The following TAF5 variants were observed in gnomAD, a reference collection of about 807,000 sequenced individuals.
TAF5 encodes TATA-box binding protein associated factor 5.
A neutral mutation model predicts 80.9 loss-of-function variants in TAF5; 20 were observed. The observed-to-expected ratio is 0.25, with a 90% CI of 0.17 to 0.36. The LOEUF (loss-of-function observed/expected upper bound fraction) is 0.36. Among genes scored for constraint, TAF5 ranks in the 10% least tolerant of loss-of-function variants. The probability of loss-of-function intolerance (pLI) is 1.00; values close to 1 mark genes in which losing one functional copy is unlikely to be tolerated. For synonymous variants in TAF5, 388 were observed against 406.4 expected (o/e 0.95, Z 0.55); for missense variants, 863 against 1,029.4 (o/e 0.84, Z 2.21).
Position 103,387,998 on chromosome 10 carries a change from C to A in TAF5, c.2186-8C>A. 3 of 1,609,710 alleles carry A rather than the reference C, an allele frequency of 1.9e-6. No individual in the cohort carries two copies. Among genetic ancestry groups the A allele is most frequent in the Non-Finnish European group, 2.5e-6 (3 of 1,176,556 alleles). ...TGCAACTAATGGTTTCCTTTGACTTCCCCTTAGGTTCAATGGATAATACAG... is the reference window on the plus strand; with the variant it reads ...TGCAACTAATGGTTTCCTTTGACTTACCCTTAGGTTCAATGGATAATACAG... On this transcript the variant is annotated splice_polypyrimidine_tract_variant and splice_region_variant and intron_variant, in intron 10 of 10. Transcript: ENST00000369839.
intron 5 of TAF5, among the ~76,000 whole-genome samples, chr10:103,381,229 A>G (rs1234029795): frequency 6.6e-6 from 1 of 151,824 alleles, no homozygotes; most frequent in Admixed American, 6.6e-5. Flanking sequence ...GATAACAGGC[A>G]TGAACCCCCG....
intron 5 of TAF5, among the ~76,000 whole-genome samples, chr10:103,381,376 C>G (rs2093382556): frequency 6.6e-6 from 1 of 152,082 alleles, no homozygotes; most frequent in Non-Finnish European, 1.5e-5. Flanking sequence ...AAGTGATTCT[C>G]TTGCGTCAGC....
In TAF5 at chr10:103,385,526, A is replaced by G. The variant is rs766730061; in HGVS notation, c.1829+36A>G. On this transcript the variant is annotated intron_variant, in intron 8 of 10. Transcript: ENST00000369839. The stretch of plus-strand genomic sequence containing the variant: ...TGTGATCTTATGACTGGGTCTATTC[A>G]ATGAACAGAATGGTTTCTTGTTGGG... 2.4e-5 allele frequency: 39 copies of G among 1,598,570 alleles called. No homozygotes were observed. The Middle Eastern group carries it at 6.7e-4, about 28-fold the overall frequency.
Position 103,378,598 on chromosome 10 carries a change from G to A in TAF5, c.1113+48G>A. 1 of 1,525,546 alleles carries A rather than the reference G, an allele frequency of 6.6e-7. No homozygotes were observed. Among genetic ancestry groups the A allele is most frequent in the African/African-American group, 1.4e-5 (1 of 72,522 alleles). The allele number at this position is 1,525,546 out of a possible 1,614,324, so 94.5% of individuals were successfully genotyped here. On this transcript the variant is annotated intron_variant, in intron 3 of 10. Coordinates refer to ENST00000369839, the MANE Select transcript of TAF5 (RefSeq NM_006951.5). The surrounding 1 kb of genome is among the most constrained non-coding windows in gnomAD (Gnocchi z 4.1). ...TCTATAATGCAGATTATGAAAAATTGTAGCATTTCCATCTACATAAGTTAC... is the reference window on the plus strand; with the variant it reads ...TCTATAATGCAGATTATGAAAAATTATAGCATTTCCATCTACATAAGTTAC...
intron 2 of TAF5, among the ~76,000 whole-genome samples, chr10:103,376,936 C>T (rs1231596688): frequency 6.6e-6 from 1 of 152,142 alleles, no homozygotes; most frequent in African/African-American, 2.4e-5. Context: ...CCCAGCTGCT[C>T]AGGAGGCTGA....
At chr10:103,373,000 C>T (rs1425783032) in intron 1 of TAF5, among the ~76,000 whole-genome samples, 1 of 151,548 alleles carries the variant, frequency 6.6e-6, no homozygotes, top group Non-Finnish European at 1.5e-5. Flanking sequence ...GTCAAGATAT[C>T]AAGACCATCC....
At position 103,378,603 on chromosome 10, in the gene TAF5, A is replaced by G. The variant is rs2133629757; in HGVS notation, c.1113+53A>G. 1 of 1,507,988 alleles carries G rather than the reference A, an allele frequency of 6.6e-7. No homozygotes were observed. Among genetic ancestry groups the G allele is most frequent in the East Asian group, 2.3e-5 (1 of 43,586 alleles). The allele number at this position is 1,507,988 out of a possible 1,614,324, so 93.4% of individuals were successfully genotyped here. On this transcript the variant is annotated intron_variant, in intron 3 of 10. Transcript: ENST00000369839. This position sits in a 1 kb window ranked among gnomAD's most constrained non-coding sequence, Gnocchi z 4.1. ...AATGCAGATTATGAAAAATTGTAGC[A>G]TTTCCATCTACATAAGTTACACATT...
rs536405548 is a variant in TAF5 at position 103,373,257 on chromosome 10, A to C, written c.560-101A>C. The C allele has an allele frequency of 1.8e-5, 16 of 882,554 alleles. No individual in the cohort carries two copies. The African/African-American group carries it at 2.5e-4, about 14-fold the overall frequency. 54.7% of individuals were successfully genotyped at this position (882,554 alleles called of 1,614,324 possible). On this transcript the variant is annotated intron_variant, in intron 1 of 10. Coordinates refer to ENST00000369839, the MANE Select transcript of TAF5 (RefSeq NM_006951.5). ...GAAGAGACAGTGGGAAGAAAGAGAC[A>C]ACAGTCTGAGAAACAACTCACCTGT... is the stretch of plus-strand genomic sequence containing the variant.
chr10:103,384,443 C>T (rs933555707), intron 7 of TAF5, among the ~76,000 whole-genome samples: 1 of 152,090 alleles, frequency 6.6e-6, no homozygotes, highest in East Asian at 1.9e-4. Flanking sequence ...CCAGCCTGGC[C>T]AACATGGGAA....
chr10:103,387,107 T>C, intron 8 of TAF5, 68 bp from the exon 9 acceptor site: 1 of 1,461,760 alleles, frequency 6.8e-7, no homozygotes, highest in Non-Finnish European at 9.3e-7. Flanking sequence ...ATTTATTTTG[T>C]ATAGATTTTT....
intron 5 of TAF5, among the ~76,000 whole-genome samples, 168 bp from the exon 6 acceptor site, chr10:103,381,553 C>T (rs1368758995): frequency 6.6e-6 from 1 of 152,184 alleles, no homozygotes; most frequent in Non-Finnish European, 1.5e-5. Context: ...AGGCATGAGC[C>T]AGTGCGCTTG....
rs936342502 is a variant in TAF5 at position 103,378,653 on chromosome 10, A to C, written c.1113+103A>C. 7.5e-7 allele frequency: 1 copy of C among 1,337,860 alleles called. No homozygotes were observed. Among genetic ancestry groups the C allele is most frequent in the Non-Finnish European group, 1.0e-6 (1 of 996,584 alleles). 82.9% of individuals were successfully genotyped at this position (1,337,860 alleles called of 1,614,324 possible). On this transcript the variant is annotated intron_variant, in intron 3 of 10. Coordinates refer to ENST00000369839, the MANE Select transcript of TAF5 (RefSeq NM_006951.5). The surrounding 1 kb of genome is among the most constrained non-coding windows in gnomAD (Gnocchi z 4.1). Reference sequence around the variant, plus strand: ...TTTTCTTATAGCTAGCTTGGAAACAATTTTTTTCGTTTGTTTGTTTTGAGA... The same window carrying C: ...TTTTCTTATAGCTAGCTTGGAAACACTTTTTTTCGTTTGTTTGTTTTGAGA...
chr10:103,379,207 T>C (rs925145447), intron 3 of TAF5, among the ~76,000 whole-genome samples: 1 of 152,218 alleles, frequency 6.6e-6, no homozygotes, highest in Non-Finnish European at 1.5e-5. Flanking sequence ...GGCTTTCCTC[T>C]TTGTGCTCAC....
At chr10:103,380,545 C>T (rs572488198) in intron 5 of TAF5, among the ~76,000 whole-genome samples, 26 of 152,096 alleles carry the variant, frequency 1.7e-4, no homozygotes, top group Non-Finnish European at 2.5e-4. Flanking sequence ...TTCTGCTAGC[C>T]TTTGAGGAGG....
At chr10:103,368,969 A>G (rs184133886) in intron 1 of TAF5, among the ~76,000 whole-genome samples, 4 of 147,436 alleles carry the variant, frequency 2.7e-5, no homozygotes, top group Non-Finnish European at 6.0e-5. Context: ...ATGTGTTGAT[A>G]AATACTTTAT....
Position 103,378,628 on chromosome 10 carries a change from T to A in TAF5, c.1113+78T>A. 1 of 1,443,244 alleles carries A rather than the reference T, an allele frequency of 6.9e-7. No individual in the cohort carries two copies. The highest frequency in any genetic ancestry group is 9.3e-7 in the Non-Finnish European group (1 of 1,080,094). The allele number at this position is 1,443,244 out of a possible 1,614,324, so 89.4% of individuals were successfully genotyped here. ...ATTTCCATCTACATAAGTTACACATTTTTCTTATAGCTAGCTTGGAAACAA... is the reference window on the plus strand; with the variant it reads ...ATTTCCATCTACATAAGTTACACATATTTCTTATAGCTAGCTTGGAAACAA... On this transcript the variant is annotated intron_variant, in intron 3 of 10. Coordinates refer to ENST00000369839, the MANE Select transcript of TAF5 (RefSeq NM_006951.5). The surrounding 1 kb of genome is among the most constrained non-coding windows in gnomAD (Gnocchi z 4.1).
At chr10:103,383,463 T>G (rs747516996) in intron 7 of TAF5, 96 bp downstream of exon 7, 94 of 1,252,916 alleles carry the variant, frequency 7.5e-5, no homozygotes, top group Non-Finnish European at 7.3e-5. Flanking sequence ...CTGGGAAAAT[T>G]CTGATAAAAA....
chr10:103,387,403 A>C (rs552746595), intron 9 of TAF5, 51 bp downstream of exon 9: 1 of 1,558,220 alleles, frequency 6.4e-7, no homozygotes, highest in Non-Finnish European at 8.7e-7. Flanking sequence ...TCAAAATAAA[A>C]ATATTTTTTA....
In TAF5 at chr10:103,368,377, T is replaced by C; in HGVS notation, c.388T>C (p.Ser130Pro). 1 of 1,499,664 alleles carries C rather than the reference T, an allele frequency of 6.7e-7. No homozygotes were observed. Among genetic ancestry groups the C allele is most frequent in the Non-Finnish European group, 8.9e-7 (1 of 1,124,508 alleles). 92.9% of individuals were successfully genotyped at this position (1,499,664 alleles called of 1,614,324 possible). A position where few individuals can be genotyped will look rare whatever the true frequency, so the allele number is the denominator to read the frequency against. The change falls in exon 1 of 11, where the codon TCC (serine) becomes CCC (proline). Residue 130 changes from serine to proline, a missense_variant. By Grantham distance (74) the Ser-to-Pro change is moderately conservative. Around this residue, in one of 3 missense-constraint regions of TAF5, gnomAD observed 367 missense variants for 335.5 expected, o/e 1.09. Transcript: ENST00000369839. ...AGLLEEAVAG[S>P]GAPGEVDSAG... The stretch of plus-strand genomic sequence containing the variant: ...GCTGCTGGAGGAGGCAGTGGCGGGC[T>C]CCGGAGCCCCGGGAGAGGTGGACAG...
Sources: gnomAD v4.1 joint callset for allele counts (sites outside exome capture counted in the v4.1 genomes callset) on GRCh38, gnomAD v4.1.1 for gene constraint, gnomAD v4.1.1 regional missense constraint, Gnocchi (gnomAD v3.1) non-coding constraint, MANE v1.5 for transcripts, NCBI Gene and HGNC (gene_info 2026-07-23, HGNC 2026-07-21) for gene names.